ESRRG: variants seen among roughly 807,000 people sequenced by gnomAD.
ESRRG encodes the protein estrogen related receptor gamma.
ESRRG carries 13 observed loss-of-function variants against 44.0 expected under a neutral mutation model. The observed-to-expected ratio is 0.30, with a 90% CI of 0.19 to 0.47. ESRRG has a LOEUF of 0.47. Ranked by LOEUF, ESRRG falls within the 20% of genes least tolerant of loss-of-function variation. The pLI, the probability that ESRRG is intolerant of heterozygous loss-of-function variation, is 1.00. For missense variants in ESRRG, 395 were observed against 580.6 expected (o/e 0.68, Z 3.29); for synonymous variants, 215 against 214.6 (o/e 1.00, Z -0.02).
intron 2 of ESRRG, among the ~76,000 whole-genome samples, chr1:216,670,712 G>T (rs2075003266): frequency 6.6e-6 from 1 of 152,146 alleles, no homozygotes; most frequent in Non-Finnish European, 1.5e-5. Context: ...CATTAGACCT[G>T]GGCGTGGTCA....
chr1:217,045,278 G>A (rs1390144262), intron 1 of ESRRG, among the ~76,000 whole-genome samples: 2 of 152,102 alleles, frequency 1.3e-5, no homozygotes, highest in East Asian at 1.9e-4. Flanking sequence ...TAACCCTTGC[G>A]GGATTGTAAA....
intron 3 of ESRRG, among the ~76,000 whole-genome samples, chr1:216,638,585 T>C (rs1325237774): frequency 7.2e-5 from 11 of 152,200 alleles, no homozygotes; most frequent in Non-Finnish European, 2.9e-5. Flanking sequence ...TGAAATTAAA[T>C]GCTAAACAGT....
intron 1 of ESRRG, among the ~76,000 whole-genome samples, chr1:216,703,622 T>C (rs78851238): frequency 0.12 from 18,638 of 151,368 alleles, 1,306 homozygotes; most frequent in Middle Eastern, 0.19. Flanking sequence ...AAATAGACAA[T>C]GGCTTTTTTT....
intron 1 of ESRRG, among the ~76,000 whole-genome samples, chr1:217,083,773 A>T (rs909459841): frequency 4.6e-5 from 7 of 152,232 alleles, no homozygotes; most frequent in African/African-American, 1.7e-4. Flanking sequence ...ACTGAATTAA[A>T]CTGTTCATCT....
intron 2 of ESRRG, among the ~76,000 whole-genome samples, chr1:216,930,975 A>C (rs2063263461): frequency 6.6e-6 from 1 of 152,212 alleles, no homozygotes; most frequent in Non-Finnish European, 1.5e-5. Flanking sequence ...TTAACTGCCC[A>C]ATGAGGACAG....
chr1:216,580,189 G>T (rs112609007), intron 3 of ESRRG, among the ~76,000 whole-genome samples: 7 of 152,280 alleles, frequency 4.6e-5, no homozygotes, highest in African/African-American at 1.7e-4. Context: ...ATAAATAAAT[G>T]TACAACATGC....
chr1:217,036,718 G>A (rs1324627268), intron 1 of ESRRG, among the ~76,000 whole-genome samples: 1 of 151,528 alleles, frequency 6.6e-6, no homozygotes, highest in East Asian at 1.9e-4. Flanking sequence ...ATGAATACTA[G>A]ACTTAATACC....
intron 2 of ESRRG, among the ~76,000 whole-genome samples, chr1:216,895,765 C>T (rs1235926549): frequency 6.6e-6 from 1 of 152,046 alleles, no homozygotes; most frequent in Non-Finnish European, 1.5e-5. Flanking sequence ...TAAAAGGGAC[C>T]CAAAAAGAGC....
At chr1:216,785,697 G>GT (rs1032364494) in intron 2 of ESRRG, among the ~76,000 whole-genome samples, 49 of 151,704 alleles carry the variant, frequency 3.2e-4, no homozygotes, top group African/African-American at 1.0e-3. Context: ...ATCACTGTTT[G>GT]TTTTTTTTGC....
At chr1:216,627,220 T>A (rs1308588905) in intron 3 of ESRRG, among the ~76,000 whole-genome samples, 1 of 152,198 alleles carries the variant, frequency 6.6e-6, no homozygotes, top group East Asian at 1.9e-4. Flanking sequence ...ATTTTAAGAT[T>A]GTATCTGTAA....
At chr1:216,562,168 C>T (rs540445608) in intron 5 of ESRRG, among the ~76,000 whole-genome samples, 1 of 152,164 alleles carries the variant, frequency 6.6e-6, no homozygotes, top group Admixed American at 6.6e-5. Flanking sequence ...ATTGGCCTTA[C>T]AAATCTTTTA....
At chr1:216,879,997 A>G (rs1339683192) in intron 2 of ESRRG, among the ~76,000 whole-genome samples, 2 of 152,106 alleles carry the variant, frequency 1.3e-5, no homozygotes, top group African/African-American at 2.4e-5. Context: ...ATTGTAAATA[A>G]AAGTAAACTA....
chr1:216,855,004 T>G (rs2095905511), intron 2 of ESRRG: 1 of 152,206 alleles, frequency 6.6e-6, no homozygotes, highest in Non-Finnish European at 1.5e-5. Flanking sequence ...CTGGGTCCTC[T>G]GAAAATGCCC....
intron 2 of ESRRG, among the ~76,000 whole-genome samples, chr1:216,852,099 A>T (rs951920812): frequency 6.6e-6 from 1 of 152,238 alleles, no homozygotes; most frequent in Non-Finnish European, 1.5e-5. Context: ...AAGAAAAAAG[A>T]GTTTCCCAAA....
At chr1:216,843,918 C>CT (rs1439915334) in intron 2 of ESRRG, among the ~76,000 whole-genome samples, 5 of 147,910 alleles carry the variant, frequency 3.4e-5, no homozygotes, top group African/African-American at 1.0e-4. Flanking sequence ...TGAAATAACT[C>CT]TTTTTTAATC....
chr1:216,795,354 T>C lies in ESRRG; in HGVS notation c.-13-117863A>G, dbSNP rs868653310. ...TTTTTTTCTTTTTCTTTTTTTTTTT[T>C]TTTTTTTGAGCCAGAGTCTCACTTT... On this transcript the variant is annotated intron_variant, in intron 2 of 7. Transcript: ENST00000359162. Among the ~76,000 whole-genome samples, 226 of 146,020 alleles carry C rather than the reference T, an allele frequency of 1.5e-3. 2 individuals are homozygous for C. The highest frequency in any genetic ancestry group is 3.7e-3 in the African/African-American group (149 of 39,744).
intron 5 of ESRRG, among the ~76,000 whole-genome samples, chr1:216,543,372 C>G (rs1307360393): frequency 6.6e-6 from 1 of 151,920 alleles, no homozygotes; most frequent in East Asian, 1.9e-4. Flanking sequence ...GTACAAACAT[C>G]CAAGAAACTT....
chr1:216,931,551 A>G (rs891237061), intron 2 of ESRRG, among the ~76,000 whole-genome samples: 36 of 151,988 alleles, frequency 2.4e-4, no homozygotes, highest in Admixed American at 3.9e-4. Context: ...TTCAGCTGGG[A>G]TGTTGCTCTC....
chr1:216,889,244 G>A (rs906350405), intron 2 of ESRRG, among the ~76,000 whole-genome samples: 1 of 152,210 alleles, frequency 6.6e-6, no homozygotes, highest in African/African-American at 2.4e-5. Context: ...GGGTGGCCCT[G>A]ACACATATTC....
Sources: allele counts gnomAD v4.1 joint callset (sites outside exome capture counted in the v4.1 genomes callset), GRCh38; gene constraint gnomAD v4.1.1; transcripts MANE v1.5; gene names NCBI Gene and HGNC (gene_info 2026-07-23, HGNC 2026-07-21).